The following NWD2 variants were observed in gnomAD, a reference collection of about 807,000 sequenced individuals.
NWD2 encodes the protein NACHT and WD repeat domain containing 2.
Under a neutral mutation model 132.7 loss-of-function variants are expected in NWD2, and 37 were observed. The observed-to-expected ratio is 0.28, with a 90% CI of 0.21 to 0.37. NWD2 has a LOEUF of 0.37. Ranked by LOEUF, NWD2 falls within the 10% of genes least tolerant of loss-of-function variation. The probability of loss-of-function intolerance (pLI) is 1.00; values close to 1 mark genes in which losing one functional copy is unlikely to be tolerated. For missense variants in NWD2, 1,592 were observed against 2,122.4 expected, an observed-to-expected ratio of 0.75 and a Z score of 4.91; for synonymous variants, 705 against 803.0, an observed-to-expected ratio of 0.88 and a Z score of 2.06.
chr4:37,438,497 T>G (rs1003756358), intron 5 of NWD2, among the ~76,000 whole-genome samples: 2 of 152,124 alleles, frequency 1.3e-5, no homozygotes, highest in African/African-American at 4.8e-5. Flanking sequence ...GAGCAGCAAT[T>G]AGAAATAGTA....
At chr4:37,354,427 T>C (rs1035126828) in intron 2 of NWD2, among the ~76,000 whole-genome samples, 1 of 152,206 alleles carries the variant, frequency 6.6e-6, no homozygotes, top group Non-Finnish European at 1.5e-5. Context: ...TGTTTAAGTC[T>C]GCCGAAGCTG....
At chr4:37,337,736 T>C (rs1719439432) in intron 2 of NWD2, among the ~76,000 whole-genome samples, 1 of 152,180 alleles carries the variant, frequency 6.6e-6, no homozygotes, top group Admixed American at 6.5e-5. Context: ...TGTACATGAG[T>C]AATCTTTGCA....
intron 1 of NWD2, among the ~76,000 whole-genome samples, chr4:37,324,603 T>C (rs1486808855): frequency 6.6e-6 from 1 of 152,218 alleles, no homozygotes; most frequent in Non-Finnish European, 1.5e-5. Context: ...GGCCCCGCTT[T>C]CATGTACAGC....
At chr4:37,321,265 C>G (rs1719062484) in intron 1 of NWD2, among the ~76,000 whole-genome samples, 1 of 152,098 alleles carries the variant, frequency 6.6e-6, no homozygotes, top group African/African-American at 2.4e-5. Flanking sequence ...CTTTTATCTT[C>G]AATAAAAAAA....
At chr4:37,366,987 A>G (rs957222488) in intron 3 of NWD2, among the ~76,000 whole-genome samples, 1 of 152,192 alleles carries the variant, frequency 6.6e-6, no homozygotes, top group Admixed American at 6.5e-5. Flanking sequence ...CCTAATTAAC[A>G]TTTATAGAAT....
chr4:37,424,403 G>A (rs1711930426), intron 3 of NWD2, among the ~76,000 whole-genome samples: 1 of 152,170 alleles, frequency 6.6e-6, no homozygotes, highest in South Asian at 2.1e-4. Context: ...CCTTGGGCAA[G>A]CCTGCTGAGG....
At chr4:37,416,912 A>G (rs1292818595) in intron 3 of NWD2, among the ~76,000 whole-genome samples, 2 of 152,126 alleles carry the variant, frequency 1.3e-5, no homozygotes, top group African/African-American at 4.8e-5. Flanking sequence ...GCAAAGGCAT[A>G]AGAATGATAC....
Position 37,284,825 on chromosome 4 carries a change from C to T in NWD2, c.151+39607C>T, listed in dbSNP as rs182957375. Reference sequence around the variant, plus strand: ...TGTGCCTCTTCAGCTGTGCACTCTCCTTGTGTCCCTTCAATGGCTAGAGTC... The same window carrying T: ...TGTGCCTCTTCAGCTGTGCACTCTCTTTGTGTCCCTTCAATGGCTAGAGTC... On this transcript the variant is annotated intron_variant, in intron 1 of 6. Coordinates refer to ENST00000309447, the MANE Select transcript of NWD2 (RefSeq NM_001144990.2). Among the ~76,000 whole-genome samples the T allele has an allele frequency of 2.9e-3, 448 of 152,226 alleles. 3 individuals are homozygous for T. The highest frequency in any genetic ancestry group is 3.5e-3 in the Non-Finnish European group (235 of 68,008).
At chr4:37,300,869 T>C (rs559624206) in intron 1 of NWD2, among the ~76,000 whole-genome samples, 1 of 152,136 alleles carries the variant, frequency 6.6e-6, no homozygotes, top group South Asian at 2.1e-4. Context: ...CCTTTTTAAC[T>C]CCACAAATTA....
intron 2 of NWD2, among the ~76,000 whole-genome samples, chr4:37,345,097 CTT>C (rs1489411461): frequency 2.6e-5 from 4 of 152,158 alleles, no homozygotes; most frequent in African/African-American, 9.6e-5. Flanking sequence ...TGGATTATGT[CTT>C]ATTTATTTAT....
rs556179704 is a variant in NWD2, at chr4:37,433,920, G to T, written c.606G>T (p.Glu202Asp). 9.9e-5 allele frequency: 154 copies of T among 1,548,388 alleles called. 1 individual carries two copies. In the South Asian group the frequency reaches 1.8e-3, roughly 18 times the overall value. The part of the protein sequence containing the change: ...TNAENEKTWQ[E>D]ISDEIKKIFK... ...CTGAAAACGAGAAGACATGGCAAGA[G>T]ATATCAGATGAGATCAAGAAGATAT... is the stretch of plus-strand genomic sequence containing the variant. Residue 202 changes from glutamate (E) to aspartate (D), a missense_variant, in exon 5 of 7, where the codon GAG (glutamate) becomes GAT (aspartate). This residue lies in a region of NWD2 where 144 missense variants were observed against 185.7 expected (regional missense o/e 0.78). Coordinates refer to ENST00000309447, the MANE Select transcript of NWD2 (RefSeq NM_001144990.2).
intron 3 of NWD2, among the ~76,000 whole-genome samples, chr4:37,390,063 T>C (rs2109311519): frequency 6.6e-6 from 1 of 152,330 alleles, no homozygotes; most frequent in Non-Finnish European, 1.5e-5. Context: ...GTGCTGGGAT[T>C]ACAGGCGTCA....
chr4:37,270,755 G>A (rs577805540), intron 1 of NWD2, among the ~76,000 whole-genome samples: 1 of 151,604 alleles, frequency 6.6e-6, no homozygotes, highest in Non-Finnish European at 1.5e-5. Flanking sequence ...TTGAGAAGTG[G>A]TTTTTAATTT....
chr4:37,406,443 C>A (rs1721044682), intron 3 of NWD2, among the ~76,000 whole-genome samples: 1 of 152,212 alleles, frequency 6.6e-6, no homozygotes, highest in African/African-American at 2.4e-5. Flanking sequence ...ACTAGGTATA[C>A]ACCCAAAGGA....
intron 2 of NWD2, among the ~76,000 whole-genome samples, chr4:37,333,244 G>T (rs142514511): frequency 6.6e-6 from 1 of 152,154 alleles, no homozygotes; most frequent in East Asian, 1.9e-4. Flanking sequence ...TTGAGTGAAC[G>T]TAGGCAGTAG....
intron 1 of NWD2, among the ~76,000 whole-genome samples, chr4:37,261,586 G>A (rs536989684): frequency 5.9e-5 from 9 of 152,262 alleles, no homozygotes; most frequent in East Asian, 3.9e-4. Flanking sequence ...CTTCTAAGCC[G>A]TGAAGATGTA....
At chr4:37,341,568 A>G (rs1719526539) in intron 2 of NWD2, among the ~76,000 whole-genome samples, 1 of 152,182 alleles carries the variant, frequency 6.6e-6, no homozygotes, top group Admixed American at 6.6e-5. Context: ...GGACCTGATC[A>G]CAGAGGAGCT....
chr4:37,379,597 C>CA (rs1475007536), intron 3 of NWD2, among the ~76,000 whole-genome samples: 2 of 152,104 alleles, frequency 1.3e-5, no homozygotes, highest in African/African-American at 4.8e-5. Context: ...TTCACTGAGA[C>CA]ACGGAATTGT....
intron 1 of NWD2, among the ~76,000 whole-genome samples, chr4:37,309,136 C>T (rs1314672315): frequency 6.6e-6 from 1 of 152,182 alleles, no homozygotes; most frequent in Non-Finnish European, 1.5e-5. Flanking sequence ...TCCTTGAGTT[C>T]CTGATGGAGA....
Sources: gnomAD v4.1 joint callset for allele counts (sites outside exome capture counted in the v4.1 genomes callset) on GRCh38, gnomAD v4.1.1 for gene constraint, gnomAD v4.1.1 regional missense constraint, MANE v1.5 for transcripts, NCBI Gene and HGNC (gene_info 2026-07-23, HGNC 2026-07-21) for gene names.